Variants in XDH observed in about 807,000 individuals in gnomAD.
XDH encodes the protein xanthine dehydrogenase, also known as xanthine dehydrogenase/oxidase.
In XDH, 138 loss-of-function variants were observed where a neutral mutation model predicts 156.1. That is an observed-to-expected ratio of 0.88 (90% CI 0.77 to 1.02). The LOEUF is 1.02. Among genes scored for constraint, XDH ranks in the 50% least tolerant of loss-of-function variants. The pLI is 0.00. For missense variants in XDH, 1,849 were observed against 1,684.9 expected (o/e 1.10, Z -1.71); for synonymous variants, 669 against 625.7 (o/e 1.07, Z -1.03).
Position 31,372,217 on chromosome 2 carries a change from G to A in XDH, c.1856+11C>T, listed in dbSNP as rs1686091560. On this transcript the variant is annotated intron_variant, in intron 17 of 35. Transcript: ENST00000379416. ...AGCATTCCACCAGCTCCTCCTGGCG[G>A]TGTCACTCACTTGATCTTGGCGTGG... The A allele has an allele frequency of 1.2e-6, 2 of 1,614,186 alleles. No homozygotes were observed. The highest frequency in any genetic ancestry group is 1.1e-5 in the South Asian group (1 of 91,086).
chr2:31,341,091 T>C (rs144595365), intron 33 of XDH, among the ~76,000 whole-genome samples: 360 of 152,334 alleles, frequency 2.4e-3, no homozygotes, highest in African/African-American at 8.2e-3. Flanking sequence ...ATTTCTCATC[T>C]TGTTTTTGAG....
rs778898401 is a variant in XDH, at chr2:31,359,342, T to C, written c.2631+4816A>G. 5.1e-4 allele frequency among the ~76,000 whole-genome samples: 76 copies of C among 150,368 alleles called. 3 individuals are homozygous for C. Among genetic ancestry groups the C allele is most frequent in the Admixed American group, 6.6e-5 (1 of 15,106 alleles). On this transcript the variant is annotated intron_variant, in intron 24 of 35. Transcript: ENST00000379416. The stretch of plus-strand genomic sequence containing the variant: ...AATTCAGCATTAACTGCCAACTCTA[T>C]AGACATGTTTAACAAAACAAAACAA...
intron 13 of XDH, among the ~76,000 whole-genome samples, chr2:31,379,492 G>C (rs1686372204): frequency 6.6e-6 from 1 of 152,146 alleles, no homozygotes; most frequent in African/African-American, 2.4e-5. Flanking sequence ...ATCTCCACTG[G>C]CTTCTAGGCA....
chr2:31,370,835 A>G (rs562419674), intron 17 of XDH, among the ~76,000 whole-genome samples: 1 of 152,294 alleles, frequency 6.6e-6, no homozygotes, highest in Admixed American at 6.5e-5. Flanking sequence ...TCCTGTCTCC[A>G]TTTAAAAATA....
intron 31 of XDH, among the ~76,000 whole-genome samples, chr2:31,343,388 TA>T (rs1685187255): frequency 6.9e-6 from 1 of 143,918 alleles, no homozygotes; most frequent in Non-Finnish European, 1.5e-5. Context: ...TATACATATA[TA>T]TGAGCCACAT....
intron 12 of XDH, 54 bp downstream of exon 12, chr2:31,381,579 G>A: frequency 6.4e-7 from 1 of 1,573,248 alleles, no homozygotes; most frequent in South Asian, 1.1e-5. Flanking sequence ...CCTATCTGGT[G>A]AGACTTTTCT....
intron 24 of XDH, among the ~76,000 whole-genome samples, chr2:31,351,424 A>C (rs1685477551): frequency 6.6e-6 from 1 of 152,152 alleles, no homozygotes; most frequent in South Asian, 2.1e-4. Context: ...CAAGCACATC[A>C]GATTTTCTAT....
rs1558689473 is a variant in XDH at position 31,367,965 on chromosome 2, C to T, written c.2193G>A (p.Val731=). ...KKGFSEADNV[V]SGEIYIGGQE... ...TGCGGCATGGAACAGCTCTACCTGA[C>T]ACAACATTATCTGCTTCGGAAAACC... The change falls in exon 20 of 36, where the codon GTG becomes GTA. Residue 731 remains valine (V), a synonymous_variant. Transcript: ENST00000379416. 1 of 1,614,152 alleles carries T rather than the reference C, an allele frequency of 6.2e-7. No individual in the cohort carries two copies. The highest frequency in any genetic ancestry group is 1.1e-5 in the South Asian group (1 of 91,090).
At position 31,398,589 on chromosome 2, in the gene XDH, A is replaced by G. The variant is rs747715632; in HGVS notation, c.417T>C (p.Ile139=). The part of the protein sequence containing the change: ...RNQPEPTMEE[I]ENAFQGNLCR... The stretch of plus-strand genomic sequence containing the variant: ...GGCCCATACCTTGGAAGGCATTCTC[A>G]ATCTCCTCCATGGTGGGCTCGGGCT... Residue 139 remains isoleucine, a synonymous_variant, in exon 5 of 36, where the codon ATT becomes ATC. Coordinates refer to ENST00000379416, the MANE Select transcript of XDH (RefSeq NM_000379.4). The G allele has an allele frequency of 6.2e-7, 1 of 1,614,118 alleles. No homozygotes were observed. The highest frequency in any genetic ancestry group is 1.7e-5 in the Admixed American group (1 of 60,024).
At chr2:31,345,797 C>T (rs1180407041) in intron 30 of XDH, among the ~76,000 whole-genome samples, 1 of 152,178 alleles carries the variant, frequency 6.6e-6, no homozygotes, top group Non-Finnish European at 1.5e-5. Context: ...TTCCCAGGCA[C>T]ACTGGTCTAC....
intron 6 of XDH, 53 bp downstream of exon 6, chr2:31,397,615 G>C (rs1175686768): frequency 1.5e-5 from 24 of 1,608,068 alleles, no homozygotes; most frequent in Non-Finnish European, 1.9e-5. Context: ...AGTGATTTCT[G>C]AGTGTTGCCA....
intron 35 of XDH, 23 bp from the exon 36 acceptor site, chr2:31,336,031 T>C (rs781061822): frequency 1.2e-6 from 2 of 1,613,556 alleles, no homozygotes; most frequent in South Asian, 1.1e-5. Context: ...GATAGTGTTC[T>C]CATTGCCAGG....
At chr2:31,351,523 C>A (rs554914948) in intron 24 of XDH, among the ~76,000 whole-genome samples, 5 of 152,102 alleles carry the variant, frequency 3.3e-5, no homozygotes, top group Non-Finnish European at 5.9e-5. Context: ...ATCTTAAATC[C>A]CCCAGTGGGA....
intron 10 of XDH, 52 bp from the exon 11 acceptor site, chr2:31,383,204 G>A: frequency 6.2e-7 from 1 of 1,613,324 alleles, no homozygotes; most frequent in South Asian, 1.1e-5. Context: ...TTCAGAAGAG[G>A]CTTTCATGCA....
At chr2:31,350,526 A>G (rs370683674) in intron 24 of XDH, among the ~76,000 whole-genome samples, 141 of 151,752 alleles carry the variant, frequency 9.3e-4, no homozygotes, top group African/African-American at 3.3e-3. Context: ...ACAGGCACGC[A>G]CCACACGCCC....
At chr2:31,406,377 C>T (rs1687191695) in intron 1 of XDH, among the ~76,000 whole-genome samples, 1 of 152,190 alleles carries the variant, frequency 6.6e-6, no homozygotes, top group Non-Finnish European at 1.5e-5. Context: ...TGGTGTCATG[C>T]TTGTACAGCC....
intron 24 of XDH, among the ~76,000 whole-genome samples, chr2:31,360,259 A>T (rs552989386): frequency 1.3e-5 from 2 of 152,346 alleles, no homozygotes; most frequent in Admixed American, 6.5e-5. Flanking sequence ...GCACTTTGGG[A>T]GGATGAGGCG....
At chr2:31,376,041 T>A (rs1261458499) in intron 14 of XDH, among the ~76,000 whole-genome samples, 1 of 152,188 alleles carries the variant, frequency 6.6e-6, no homozygotes, top group Non-Finnish European at 1.5e-5. Context: ...AAGGATTTCC[T>A]AGGATAATGT....
chr2:31,397,581 G>C, intron 6 of XDH, 87 bp downstream of exon 6: 5 of 1,487,130 alleles, frequency 3.4e-6, no homozygotes, highest in Non-Finnish European at 4.7e-6. Context: ...TTGTAGACCA[G>C]AGGCCCTTGG....
Sources: gnomAD v4.1 joint callset for allele counts (sites outside exome capture counted in the v4.1 genomes callset) on GRCh38, gnomAD v4.1.1 for gene constraint, MANE v1.5 for transcripts, NCBI Gene and HGNC (gene_info 2026-07-23, HGNC 2026-07-21) for gene names.